Variants in GALNT14 observed in about 807,000 individuals in gnomAD.
The protein encoded by GALNT14 is polypeptide N-acetylgalactosaminyltransferase 14.
In GALNT14, 60 loss-of-function variants were observed where a neutral mutation model predicts 77.5. The observed-to-expected ratio is 0.77, with a 90% CI of 0.63 to 0.96. The LOEUF is 0.96. Among genes scored for constraint, GALNT14 ranks in the 40% least tolerant of loss-of-function variants. The pLI is 0.00. For synonymous variants in GALNT14, 280 were observed against 281.7 expected, an observed-to-expected ratio of 0.99 and a Z score of 0.06; for missense variants, 710 against 731.0, an observed-to-expected ratio of 0.97 and a Z score of 0.33.
At chr2:30,923,808 AC>A (rs1665185085) in intron 13 of GALNT14, among the ~76,000 whole-genome samples, 1 of 152,172 alleles carries the variant, frequency 6.6e-6, no homozygotes, top group African/African-American at 2.4e-5. Context: ...GACCCTGCCC[AC>A]GGTTGCTGCC....
chr2:30,912,280 G>C lies in GALNT14; in HGVS notation c.1443C>G (p.Thr481=), dbSNP rs143761183. ...LQEELCLSVI[T]LFPGAPVVLV... ...GAACCACTGGGGCGCCAGGGAACAA[G>C]GTGATGACTGACAGGCACAGCTCCT... Residue 481 remains threonine, a synonymous_variant, in exon 14 of 15, where the codon ACC becomes ACG. Transcript: ENST00000349752. 1 of 1,614,052 alleles carries C rather than the reference G, an allele frequency of 6.2e-7. No individual in the cohort carries two copies. The highest frequency in any genetic ancestry group is 8.5e-7 in the Non-Finnish European group (1 of 1,180,026).
rs1045023 is a variant in GALNT14, at chr2:30,924,249, G to T, written c.1250C>A (p.Ser417Tyr). Residue 417 changes from serine (S) to tyrosine (Y), a missense_variant, in exon 13 of 15, where the codon TCC becomes TAC. Transcript: ENST00000349752. Reference protein sequence around the residue: ...IYPELSIPKESSIQKGNIRQR... With the variant: ...IYPELSIPKEYSIQKGNIRQR... ...TCGGATATTGCCCTTCTGGATGGAG[G>T]ACTCCTTGGGGATGCTGGAGGAGAG... is the stretch of plus-strand genomic sequence containing the variant. 1 of 1,614,192 alleles carries T rather than the reference G, an allele frequency of 6.2e-7. No individual in the cohort carries two copies. Among genetic ancestry groups the T allele is most frequent in the Middle Eastern group, 1.6e-4 (1 of 6,062 alleles).
At chr2:31,051,624 C>G (rs1235790851) in intron 1 of GALNT14, among the ~76,000 whole-genome samples, 1 of 152,156 alleles carries the variant, frequency 6.6e-6, no homozygotes, top group Non-Finnish European at 1.5e-5. Flanking sequence ...CAGTCCAGCT[C>G]TCTCTCTCAT....
intron 9 of GALNT14, among the ~76,000 whole-genome samples, 188 bp downstream of exon 9, chr2:30,942,013 A>G (rs1666403724): frequency 6.6e-6 from 1 of 152,118 alleles, no homozygotes; most frequent in Admixed American, 6.5e-5. Flanking sequence ...AACACCCTCC[A>G]ACAACTATTC....
chr2:31,055,950 C>T (rs1021408753), intron 1 of GALNT14, among the ~76,000 whole-genome samples: 13 of 152,194 alleles, frequency 8.5e-5, no homozygotes, highest in African/African-American at 2.9e-4. Flanking sequence ...ATCCAACCAG[C>T]GTGCAACTTG....
At chr2:30,891,038 A>G in the GALNT14 span, among the ~76,000 whole-genome samples, 16,295 of 152,236 alleles carry the variant, frequency 0.11, 1,132 homozygotes, top group Non-Finnish European at 0.14. Flanking sequence ...AAAGTCTGGC[A>G]TTAAGGCTCT....
At chr2:31,068,896 G>A (rs536872576) in intron 1 of GALNT14, among the ~76,000 whole-genome samples, 6 of 152,314 alleles carry the variant, frequency 3.9e-5, no homozygotes, top group Admixed American at 1.3e-4. Context: ...GAGGCCAGCC[G>A]CAAGAGGCCA....
intron 1 of GALNT14, among the ~76,000 whole-genome samples, chr2:31,136,172 A>G (rs1462972253): frequency 6.7e-6 from 1 of 149,868 alleles, no homozygotes; most frequent in Non-Finnish European, 1.5e-5. Flanking sequence ...GAAGTCATCA[A>G]TCTGGCCTCG....
At chr2:31,079,920 C>T (rs1290635997) in intron 1 of GALNT14, among the ~76,000 whole-genome samples, 4 of 152,190 alleles carry the variant, frequency 2.6e-5, no homozygotes, top group Non-Finnish European at 5.9e-5. Flanking sequence ...AAGGGCTGGA[C>T]ACTCAGGGAA....
At chr2:31,130,783 T>TGTGTGTGCGCGCGC (rs1181788023) in intron 1 of GALNT14, among the ~76,000 whole-genome samples, 1 of 118,682 alleles carries the variant, frequency 8.4e-6, no homozygotes, top group African/African-American at 3.6e-5. Flanking sequence ...TGTGTGTGTG[T>TGTGTGTGCGCGCGC]GCGCGCGCAC....
At chr2:31,065,474 A>G (rs544030949) in intron 1 of GALNT14, 7 of 152,356 alleles carry the variant, frequency 4.6e-5, no homozygotes, top group Admixed American at 3.9e-4. Flanking sequence ...ATTAAATGCT[A>G]CAGGTACAGC....
At chr2:31,039,596 T>C (rs1672977544) in intron 1 of GALNT14, among the ~76,000 whole-genome samples, 1 of 152,208 alleles carries the variant, frequency 6.6e-6, no homozygotes, top group Admixed American at 6.5e-5. Context: ...CTCTTCCTCA[T>C]ATGTTCCCTC....
At chr2:31,075,324 G>A (rs1406367526) in intron 1 of GALNT14, among the ~76,000 whole-genome samples, 8 of 152,176 alleles carry the variant, frequency 5.3e-5, no homozygotes, top group Non-Finnish European at 1.2e-4. Context: ...AAAGTGCCCA[G>A]TCTCAGGTAT....
intron 1 of GALNT14, among the ~76,000 whole-genome samples, chr2:31,095,641 C>T (rs905024232): frequency 1.3e-5 from 2 of 151,874 alleles, no homozygotes; most frequent in Admixed American, 1.3e-4. Flanking sequence ...AAATTTATTT[C>T]CAAGGCCAGC....
intron 2 of GALNT14, among the ~76,000 whole-genome samples, chr2:30,968,849 C>T (rs947540660): frequency 6.6e-6 from 1 of 152,184 alleles, no homozygotes; most frequent in African/African-American, 2.4e-5. Flanking sequence ...AAACAGCTCC[C>T]AGTGAGAAGA....
chr2:30,921,132 C>T (rs1274424510), intron 13 of GALNT14, among the ~76,000 whole-genome samples: 1 of 152,154 alleles, frequency 6.6e-6, no homozygotes, highest in African/African-American at 2.4e-5. Context: ...CAAATAAAGG[C>T]CTGACAACTC....
At chr2:31,031,499 GC>G (rs1212882377) in intron 1 of GALNT14, among the ~76,000 whole-genome samples, 1 of 152,014 alleles carries the variant, frequency 6.6e-6, no homozygotes, top group African/African-American at 2.4e-5. Context: ...GTCTATCTTT[GC>G]ATGGCCATGC....
At position 31,124,050 on chromosome 2, in the gene GALNT14, C is replaced by G. The variant is rs182695524; in HGVS notation, c.129+13908G>C. 4.3e-3 allele frequency among the ~76,000 whole-genome samples: 654 copies of G among 152,318 alleles called. 1 individual carries two copies. The highest frequency in any genetic ancestry group is 6.9e-3 in the Non-Finnish European group (470 of 68,030). ...TCCACACTCCCTCAGAATTCACCCC[C>G]GCTTCCTACACAGGGCTTCCCACAC... On this transcript the variant is annotated intron_variant, in intron 1 of 14. Transcript: ENST00000349752.
At chr2:31,071,929 A>G (rs918988619) in intron 1 of GALNT14, among the ~76,000 whole-genome samples, 6 of 152,218 alleles carry the variant, frequency 3.9e-5, no homozygotes, top group Admixed American at 1.3e-4. Context: ...CCACACACCC[A>G]GAAAGCGGCC....
Sources: allele counts gnomAD v4.1 joint callset (sites outside exome capture counted in the v4.1 genomes callset), GRCh38; gene constraint gnomAD v4.1.1; transcripts MANE v1.5; gene names NCBI Gene and HGNC (gene_info 2026-07-23, HGNC 2026-07-21).